Variants in ADGRV1 observed in about 807,000 individuals in gnomAD.
ADGRV1 encodes the protein G-protein coupled receptor 98.
ADGRV1 carries 359 observed loss-of-function variants against 596.2 expected under a neutral mutation model. That is an observed-to-expected ratio of 0.60 (90% CI 0.55 to 0.66). The LOEUF (loss-of-function observed/expected upper bound fraction) is 0.66, where lower values mean the gene tolerates loss of function less well. Ranked by LOEUF, ADGRV1 falls within the 30% of genes least tolerant of loss-of-function variation. The probability of loss-of-function intolerance (pLI) is 0.00; values close to 1 mark genes in which losing one functional copy is unlikely to be tolerated. For synonymous variants in ADGRV1, 2,681 were observed against 2,679.2 expected (o/e 1.00, Z -0.02); for missense variants, 7,274 against 7,575.6 (o/e 0.96, Z 1.48).
rs754162988 is a variant in ADGRV1 at position 90,614,949 on chromosome 5, C to G, written c.137C>G (p.Thr46Arg). Residue 46 changes from threonine (T) to arginine (R), a missense_variant, in exon 2 of 90, where the codon ACA becomes AGA. Physicochemically the swap from Thr to Arg is moderately conservative, Grantham distance 71. Transcript: ENST00000405460. ...TGQTEFVVNETSTTVIRLIIE... is the reference protein window; with the variant it reads ...TGQTEFVVNERSTTVIRLIIE... Reference sequence around the variant, plus strand: ...CAAACTGAATTTGTTGTTAATGAAACAAGTACAACAGTTATTCGTCTTATC... The same window carrying G: ...CAAACTGAATTTGTTGTTAATGAAAGAAGTACAACAGTTATTCGTCTTATC... The G allele has an allele frequency of 6.3e-7, 1 of 1,592,032 alleles. No homozygotes were observed.
chr5:91,080,028 C>T (rs962378722), intron 86 of ADGRV1, among the ~76,000 whole-genome samples: 2 of 151,960 alleles, frequency 1.3e-5, no homozygotes, highest in African/African-American at 2.4e-5. Flanking sequence ...AAGAATTTCA[C>T]GTATGTTATC....
At chr5:91,002,210 T>C (rs1276261735) in intron 85 of ADGRV1, among the ~76,000 whole-genome samples, 1 of 152,196 alleles carries the variant, frequency 6.6e-6, no homozygotes. Flanking sequence ...TGTGTTCTGC[T>C]CAATGAAATT....
At chr5:90,732,933 T>C (rs1561621720) in intron 50 of ADGRV1, among the ~76,000 whole-genome samples, 1 of 152,228 alleles carries the variant, frequency 6.6e-6, no homozygotes. Flanking sequence ...TGGATCACAC[T>C]CAGCAGTAGT....
At chr5:91,003,169 C>A (rs1350313810) in intron 85 of ADGRV1, among the ~76,000 whole-genome samples, 2 of 152,212 alleles carry the variant, frequency 1.3e-5, no homozygotes, top group African/African-American at 2.4e-5. Context: ...GGATGGACTG[C>A]TAGCATAAGA....
chr5:90,696,834 T>C (rs1747253665), intron 33 of ADGRV1, 103 bp from the exon 34 acceptor site: 2 of 769,528 alleles, frequency 2.6e-6, no homozygotes, highest in East Asian at 5.4e-5. Flanking sequence ...TTCACTCATA[T>C]TTTTATTTAA....
At chr5:91,137,149 C>CT (rs528768380) in intron 87 of ADGRV1, among the ~76,000 whole-genome samples, 32 of 150,606 alleles carry the variant, frequency 2.1e-4, no homozygotes, top group Admixed American at 6.6e-4. Context: ...TTTTTCTTTT[C>CT]TTTTTTTTTC....
At chr5:90,872,395 T>G (rs1264755027) in intron 83 of ADGRV1, among the ~76,000 whole-genome samples, 3 of 151,656 alleles carry the variant, frequency 2.0e-5, no homozygotes, top group Non-Finnish European at 4.4e-5. Context: ...TGCTTGCCTA[T>G]CTAGAAAATT....
rs1355484128 is a variant in ADGRV1 at position 90,724,983 on chromosome 5, A to G, written c.9900A>G (p.Pro3300=). ...ACCGATGGCAGGGGATTTTTATTCC[A>G]GTTGAGGTAAACATCAGTATTTTTT... ...TVYRWQGIFI[P]VEDLNIENPK... is the part of the protein sequence containing the mutation. Residue 3300 remains proline (P), a synonymous_variant, in exon 46 of 90, where the codon CCA becomes CCG. Coordinates refer to ENST00000405460, the MANE Select transcript of ADGRV1 (RefSeq NM_032119.4). 1 of 1,596,950 alleles carries G rather than the reference A, an allele frequency of 6.3e-7. No homozygotes were observed. The highest frequency in any genetic ancestry group is 1.7e-4 in the Middle Eastern group (1 of 6,024).
intron 84 of ADGRV1, among the ~76,000 whole-genome samples, chr5:90,982,799 G>A (rs1420802122): frequency 6.6e-6 from 1 of 152,148 alleles, no homozygotes; most frequent in Non-Finnish European, 1.5e-5. Flanking sequence ...AGCAATGTCA[G>A]GGAGTACACA....
chr5:90,674,284 A>G, intron 23 of ADGRV1, 50 bp downstream of exon 23: 1 of 1,425,600 alleles, frequency 7.0e-7, no homozygotes, highest in Non-Finnish European at 9.3e-7. Context: ...GGGTGTACTT[A>G]GTTTTGTTAA....
At chr5:90,582,109 G>GTT (rs71614756) in intron 1 of ADGRV1, among the ~76,000 whole-genome samples, 40 of 127,956 alleles carry the variant, frequency 3.1e-4, no homozygotes, top group Non-Finnish European at 5.2e-4. Context: ...CCAAGCATGT[G>GTT]TTTTTTTTTT....
At chr5:90,957,484 G>A (rs1777576892) in intron 83 of ADGRV1, among the ~76,000 whole-genome samples, 2 of 149,916 alleles carry the variant, frequency 1.3e-5, no homozygotes, top group South Asian at 2.1e-4. Flanking sequence ...AAAAATAAAA[G>A]CATATTAAAA....
intron 1 of ADGRV1, among the ~76,000 whole-genome samples, chr5:90,604,438 A>G (rs1761818523): frequency 6.6e-6 from 1 of 152,176 alleles, no homozygotes; most frequent in Non-Finnish European, 1.5e-5. Context: ...AAAATTAGAT[A>G]ATACTACTGA....
intron 83 of ADGRV1, among the ~76,000 whole-genome samples, chr5:90,953,671 C>T (rs1298566213): frequency 6.6e-6 from 1 of 151,846 alleles, no homozygotes; most frequent in Non-Finnish European, 1.5e-5. Flanking sequence ...AAAAACAATT[C>T]AAAGTTTAAA....
intron 56 of ADGRV1, 156 bp downstream of exon 56, chr5:90,756,786 C>T: frequency 1.3e-6 from 1 of 759,590 alleles, no homozygotes; most frequent in Non-Finnish European, 2.1e-6. Flanking sequence ...TGGGCTAGAC[C>T]AAAGGATTCA....
chr5:90,928,887 T>G (rs1487884433), intron 83 of ADGRV1, among the ~76,000 whole-genome samples: 45 of 144,706 alleles, frequency 3.1e-4, no homozygotes, highest in South Asian at 9.1e-4. Context: ...TGGAATAGCC[T>G]GCCGTGTGAG....
intron 59 of ADGRV1, among the ~76,000 whole-genome samples, chr5:90,768,196 A>G (rs1757341666): frequency 6.6e-6 from 1 of 152,208 alleles, no homozygotes; most frequent in African/African-American, 2.4e-5. Flanking sequence ...ATCCATTTTT[A>G]GAGTACTGCA....
At chr5:91,084,694 A>G (rs1044856931) in intron 86 of ADGRV1, among the ~76,000 whole-genome samples, 1 of 152,226 alleles carries the variant, frequency 6.6e-6, no homozygotes, top group Admixed American at 6.5e-5. Context: ...ATCTAAAACT[A>G]GAAATACCAT....
intron 83 of ADGRV1, among the ~76,000 whole-genome samples, chr5:90,913,324 C>T (rs1409603590): frequency 6.6e-6 from 1 of 152,200 alleles, no homozygotes; most frequent in Non-Finnish European, 1.5e-5. Context: ...ATGAATTTCA[C>T]ATCTGGCCCA....
Sources: gnomAD v4.1 joint callset for allele counts (sites outside exome capture counted in the v4.1 genomes callset) on GRCh38, gnomAD v4.1.1 for gene constraint, MANE v1.5 for transcripts, NCBI Gene and HGNC (gene_info 2026-07-23, HGNC 2026-07-21) for gene names.